The following PLXNA3 variants were observed in gnomAD, a reference collection of about 807,000 sequenced individuals.
The protein encoded by PLXNA3 is plexin A3, also known as plexin-A3.
PLXNA3 carries 52 observed loss-of-function variants against 118.8 expected under a neutral mutation model. The observed-to-expected ratio is 0.44, with a 90% CI of 0.35 to 0.55. PLXNA3 has a LOEUF of 0.55. Ranked by LOEUF, PLXNA3 falls within the 20% of genes least tolerant of loss-of-function variation. The pLI is 0.01. For synonymous variants in PLXNA3, 925 were observed against 762.4 expected (o/e 1.21, Z -3.51); for missense variants, 1,660 against 1,730.8 (o/e 0.96, Z 0.73).
Position 154,460,793 on chromosome X carries a change from T to G in PLXNA3, c.594+16T>G, listed in dbSNP as rs1340557659. 9.5e-7 allele frequency: 1 copy of G among 1,054,005 alleles called. No individual in the cohort carries two copies. Among genetic ancestry groups the G allele is most frequent in the African/African-American group, 1.9e-5 (1 of 53,517 alleles). The allele number at this position is 1,054,005 out of a possible 1,213,427, so 86.9% of individuals were successfully genotyped here. On this transcript the variant is annotated intron_variant, in intron 2 of 32. Transcript: ENST00000369682. Reference sequence around the variant, plus strand: ...GTTCAGTCTCGTGCGTGAGCCTTCCTTCTCTTCTTCCTCCACCCAGTCCTG... The same window carrying G: ...GTTCAGTCTCGTGCGTGAGCCTTCCGTCTCTTCTTCCTCCACCCAGTCCTG...
chrX:154,462,567 G>C (rs1388080142), intron 4 of PLXNA3, among the ~76,000 whole-genome samples: 2 of 112,296 alleles, frequency 1.8e-5, no homozygotes, highest in Non-Finnish European at 3.8e-5. Flanking sequence ...ACAGAGAACA[G>C]ACCTATTGTG....
Position 154,467,919 on chromosome X carries a change from T to C in PLXNA3, c.3738T>C (p.Thr1246=). Residue 1246 remains threonine (T), a synonymous_variant, in exon 21 of 33, where the codon ACT becomes ACC. Transcript: ENST00000369682. ...TAVLVAYKRK[T]QDADRTLKRL... The stretch of plus-strand genomic sequence containing the variant: ...TGCTGGTGGCCTACAAGCGCAAGAC[T>C]CAGGACGCGGACCGTACCCTCAAGC... 1 of 1,210,353 alleles carries C rather than the reference T, an allele frequency of 8.3e-7. No homozygotes were observed. Among genetic ancestry groups the C allele is most frequent in the Non-Finnish European group, 1.1e-6 (1 of 895,168 alleles).
intron 30 of PLXNA3, 113 bp from the exon 31 acceptor site, chrX:154,470,992 A>G: frequency 3.4e-6 from 2 of 580,787 alleles, no homozygotes; most frequent in Non-Finnish European, 5.6e-6. Flanking sequence ...TGTTGCTCTC[A>G]CCACCTCTGG....
In PLXNA3 at chrX:154,467,108, G is replaced by A; in HGVS notation, c.3159G>A (p.Glu1053=). Residue 1053 remains glutamate (E), a synonymous_variant, in exon 18 of 33, where the codon GAG becomes GAA. Transcript: ENST00000369682. ...VSGTHLLTVQ[E]PRVRAKYRGI... ...GGACCCACCTGCTGACGGTCCAGGA[G>A]CCCCGGGTCCGTGCCAAGTACCGCG... 8.3e-7 allele frequency: 1 copy of A among 1,210,680 alleles called. No individual in the cohort carries two copies. Among genetic ancestry groups the A allele is most frequent in the South Asian group, 1.8e-5 (1 of 56,997 alleles).
chrX:154,467,684 T>A lies in PLXNA3; in HGVS notation c.3581T>A (p.Val1194Asp). 1 of 1,208,715 alleles carries A rather than the reference T, an allele frequency of 8.3e-7. No homozygotes were observed. The highest frequency in any genetic ancestry group is 1.1e-6 in the Non-Finnish European group (1 of 894,852). The change falls in exon 20 of 33, where the codon GTC becomes GAC. Residue 1194 changes from valine (V) to aspartate (D), a missense_variant. By Grantham distance (152) the Val-to-Asp change is radical. Around this residue, in one of 2 missense-constraint regions of PLXNA3, gnomAD observed 869 missense variants for 1,078.7 expected, o/e 0.81. Transcript: ENST00000369682. The stretch of plus-strand genomic sequence containing the variant: ...CCCAGCCAGACTGGCCGGCAGCCTG[T>A]CATGGTAGGTGGGGATGGGGAGACC... ...DSPSQTGRQP[V>D]MVLVGGLEFW...
At chrX:154,470,646 TG>T in intron 30 of PLXNA3, 35 bp downstream of exon 30, 1 of 1,168,200 alleles carries the variant, frequency 8.6e-7, no homozygotes, top group Non-Finnish European at 1.2e-6. Flanking sequence ...GCAGCCTGTC[TG>T]GAGACTGGTG....
At chrX:154,458,570 C>A (rs1268453212) in intron 1 of PLXNA3, 142 bp downstream of exon 1, 1 of 112,892 alleles carries the variant, frequency 8.9e-6, no homozygotes, top group East Asian at 2.8e-4. Context: ...ACTCCTTGTG[C>A]CCCGCATGGT....
At position 154,468,811 on chromosome X, in the gene PLXNA3, C is replaced by A. The variant is rs781866729; in HGVS notation, c.4288-12C>A. ...GGCAGGCAGCCAGCTGTGCACCTGT[C>A]CCTGGCTGCAGGAGTGTGCTGGGGA... is the stretch of plus-strand genomic sequence containing the variant. On this transcript the variant is annotated splice_polypyrimidine_tract_variant and intron_variant, in intron 24 of 32. Coordinates refer to ENST00000369682, the MANE Select transcript of PLXNA3 (RefSeq NM_017514.5). The A allele has an allele frequency of 2.5e-5, 30 of 1,211,528 alleles. No individual in the cohort carries two copies. The highest frequency in any genetic ancestry group is 3.1e-5 in the Non-Finnish European group (28 of 895,421).
In PLXNA3 at chrX:154,465,679, G is replaced by A. The variant is rs148539575; in HGVS notation, c.2364G>A (p.Ala788=). 28 of 1,207,196 alleles carry A rather than the reference G, an allele frequency of 2.3e-5. No homozygotes were observed. Among genetic ancestry groups the A allele is most frequent in the African/African-American group, 1.6e-4 (9 of 57,258 alleles). Residue 788 remains alanine, a synonymous_variant, in exon 13 of 33, where the codon GCG becomes GCA. Transcript: ENST00000369682. ...CAGCCCTCCTGTACAAGTGCTGGGC[G>A]CAGCGGCCCAGCTGTGGCCTCTGCC... is the stretch of plus-strand genomic sequence containing the variant. ...SFRALLYKCW[A]QRPSCGLCLK...
chrX:154,471,164 A>G lies in PLXNA3; in HGVS notation c.5216A>G (p.His1739Arg), dbSNP rs1557209341. The G allele has an allele frequency of 8.3e-7, 1 of 1,210,984 alleles. No homozygotes were observed. Residue 1739 changes from histidine (H) to arginine (R), a missense_variant, in exon 31 of 33, where the codon CAC becomes CGC. Transcript: ENST00000369682. Reference protein sequence around the residue: ...IKNPQFVFDIHKNSITDACLS... With the variant: ...IKNPQFVFDIRKNSITDACLS... ...AACCCGCAGTTCGTGTTCGACATCC[A>G]CAAGAACAGCATCACGGATGCCTGC...
At position 154,463,415 on chromosome X, in the gene PLXNA3, G is replaced by A; in HGVS notation, c.1342G>A (p.Ala448Thr). ...KKVRVDGFQD[A>T]HLYETVPVVD... is the part of the protein sequence containing the mutation. ...GGTGCGGGTCGATGGCTTCCAGGAT[G>A]CCCACCTGTATGAGACAGTCCCCGT... The change falls in exon 5 of 33, where the codon GCC becomes ACC. Residue 448 changes from alanine (A) to threonine (T), a missense_variant. By Grantham distance (58) the Ala-to-Thr change is moderately conservative. Transcript: ENST00000369682. 1 of 1,210,131 alleles carries A rather than the reference G, an allele frequency of 8.3e-7. No individual in the cohort carries two copies. Among genetic ancestry groups the A allele is most frequent in the Non-Finnish European group, 1.1e-6 (1 of 894,853 alleles).
rs377627483 is a variant in PLXNA3 at position 154,461,200 on chromosome X, C to T, written c.696C>T (p.Ser232=). 1.0e-4 allele frequency: 126 copies of T among 1,211,114 alleles called. No homozygotes were observed. The highest frequency in any genetic ancestry group is 2.3e-4 in the Middle Eastern group (1 of 4,352). ...TCTACTACATCTACGGCTTCGTCAG[C>T]GCCTCCTTCGTGTACTTCCTGACGC... is the stretch of plus-strand genomic sequence containing the variant. ...FDIYYIYGFV[S]ASFVYFLTLQ... Residue 232 remains serine, a synonymous_variant, in exon 3 of 33, where the codon AGC becomes AGT. Transcript: ENST00000369682.
At chrX:154,464,988 G>A (rs1418764399) in intron 10 of PLXNA3, 30 bp from the exon 11 acceptor site, 52 of 1,148,173 alleles carry the variant, frequency 4.5e-5, no homozygotes, top group Non-Finnish European at 5.7e-5. Context: ...GGGTGGCCCT[G>A]TGTGCAGCTG....
chrX:154,466,183 C>T lies in PLXNA3; in HGVS notation c.2712C>T (p.Pro904=). 6 of 1,210,171 alleles carry T rather than the reference C, an allele frequency of 5.0e-6. No homozygotes were observed. The highest frequency in any genetic ancestry group is 6.7e-6 in the Non-Finnish European group (6 of 895,497). ...IVCEMEESLV[P]SPPPGPVELC... ...GTGAGATGGAGGAGTCGCTGGTGCC[C>T]AGCCCGCCGCCGGGGCCCGTGGAGC... The change falls in exon 15 of 33, where the codon CCC becomes CCT. Residue 904 remains proline, a synonymous_variant. Coordinates refer to ENST00000369682, the MANE Select transcript of PLXNA3 (RefSeq NM_017514.5).
In PLXNA3 at chrX:154,467,130, C is replaced by T. The variant is rs2069099482; in HGVS notation, c.3181C>T (p.Arg1061Cys). ...GGAGCCCCGGGTCCGTGCCAAGTAC[C>T]GCGGCATTGAGACCACCAATGTGAG... Reference protein sequence around the residue: ...VQEPRVRAKYRGIETTNTCQV... With the variant: ...VQEPRVRAKYCGIETTNTCQV... The change falls in exon 18 of 33, where the codon CGC becomes TGC. Residue 1061 changes from arginine to cysteine, a missense_variant. Arg to Cys is a radical substitution (Grantham distance 180). Transcript: ENST00000369682. 3.3e-6 allele frequency: 4 copies of T among 1,208,873 alleles called. No individual in the cohort carries two copies. The highest frequency in any genetic ancestry group is 4.5e-6 in the Non-Finnish European group (4 of 894,542).
At chrX:154,459,920 C>T (rs1399969576) in intron 1 of PLXNA3, among the ~76,000 whole-genome samples, 1 of 113,213 alleles carries the variant, frequency 8.8e-6, no homozygotes, top group African/African-American at 3.2e-5. Flanking sequence ...CTCTGCTACC[C>T]CCTTGGGTGT....
At chrX:154,459,421 A>G (rs781805568) in intron 1 of PLXNA3, among the ~76,000 whole-genome samples, 1 of 111,306 alleles carries the variant, frequency 9.0e-6, no homozygotes, top group East Asian at 2.8e-4. Flanking sequence ...GGCTCCTGGG[A>G]CTCCAAAGGG....
intron 32 of PLXNA3, among the ~76,000 whole-genome samples, chrX:154,472,222 G>T (rs2069192392): frequency 9.0e-6 from 1 of 111,351 alleles, no homozygotes; most frequent in South Asian, 3.8e-4. Context: ...CCATCTTCCA[G>T]TGCTGCTGCT....
Position 154,462,275 on chromosome X carries a change from G to C in PLXNA3, c.1282G>C (p.Val428Leu), listed in dbSNP as rs782403937. 1 of 1,173,354 alleles carries C rather than the reference G, an allele frequency of 8.5e-7. No homozygotes were observed. Among genetic ancestry groups the C allele is most frequent in the South Asian group, 1.9e-5 (1 of 52,507 alleles). The change falls in exon 4 of 33, where the codon GTC becomes CTC. Residue 428 changes from valine to leucine, a missense_variant. By Grantham distance (32) the Val-to-Leu change is conservative. Transcript: ENST00000369682. ...CTACACCTACCGCCAGCACTCTGTG[G>C]TCTTCATTGGCACGCGCAGCGGCAG... ...AAYTYRQHSVVFIGTRSGSLK... is the reference protein window; with the variant it reads ...AAYTYRQHSVLFIGTRSGSLK...
Sources: gnomAD v4.1 joint callset for allele counts (sites outside exome capture counted in the v4.1 genomes callset) on GRCh38, gnomAD v4.1.1 for gene constraint, gnomAD v4.1.1 regional missense constraint, MANE v1.5 for transcripts, NCBI Gene and HGNC (gene_info 2026-07-23, HGNC 2026-07-21) for gene names.